GALK1: variants seen among roughly 807,000 people sequenced by gnomAD.
The protein encoded by GALK1 is galactokinase.
In GALK1, 30 loss-of-function variants were observed where a neutral mutation model predicts 38.6. The observed-to-expected ratio is 0.78, with a 90% CI of 0.58 to 1.05. The LOEUF is 1.05. Among genes scored for constraint, GALK1 ranks in the 50% least tolerant of loss-of-function variants. The pLI, the probability that GALK1 is intolerant of heterozygous loss-of-function variation, is 0.00. For synonymous variants in GALK1, 240 were observed against 233.6 expected, an observed-to-expected ratio of 1.03 and a Z score of -0.25; for missense variants, 512 against 540.5, an observed-to-expected ratio of 0.95 and a Z score of 0.52.
chr17:75,764,659 G>C (rs1285473570), intron 1 of GALK1: 1 of 519,128 alleles, frequency 1.9e-6, no homozygotes, highest in Non-Finnish European at 3.5e-6. Flanking sequence ...GTCCCCTTCT[G>C]CGTGGCACAC....
intron 5 of GALK1, among the ~76,000 whole-genome samples, chr17:75,759,075 G>A (rs1470382787): frequency 6.6e-6 from 1 of 152,150 alleles, no homozygotes; most frequent in Non-Finnish European, 1.5e-5. Context: ...AGGTTTAAGG[G>A]GGAAGGTTGT....
At chr17:75,756,502 C>G (rs1047744713), downstream of GALK1, 1 of 1,613,296 alleles carries the variant, frequency 6.2e-7, no homozygotes, top group Non-Finnish European at 8.5e-7. Context: ...TGCCCAACCA[C>G]TCCTACGTGT....
rs1415436124 is a variant in GALK1, at chr17:75,765,119, C to T, written c.18G>A (p.Gln6=). 4 of 1,578,536 alleles carry T rather than the reference C, an allele frequency of 2.5e-6. No homozygotes were observed. The South Asian group carries it at 3.4e-5, about 14-fold the overall frequency. The stretch of plus-strand genomic sequence containing the variant: ...CGGCCAGCAGCTCCGCGACCTGGGG[C>T]TGTCTCAAAGCAGCCATGACGCGCG... MAALR[Q]PQVAELLAEA... Residue 6 remains glutamine (Q), a synonymous_variant, in exon 1 of 8, where the codon CAG becomes CAA. Coordinates refer to ENST00000588479, the MANE Select transcript of GALK1 (RefSeq NM_000154.2).
At position 75,762,689 on chromosome 17, in the gene GALK1, C is replaced by T; in HGVS notation, c.793+15G>A. 1.2e-6 allele frequency: 2 copies of T among 1,613,414 alleles called. No individual in the cohort carries two copies. The highest frequency in any genetic ancestry group is 1.7e-6 in the Non-Finnish European group (2 of 1,179,902). ...CACAGCCGCCTCCAGGATAGAGCAC[C>T]CTGGCAGTTCTCACCCTCTAGCTCT... On this transcript the variant is annotated intron_variant, in intron 5 of 7. Coordinates refer to ENST00000588479, the MANE Select transcript of GALK1 (RefSeq NM_000154.2).
downstream of GALK1, chr17:75,756,796 C>T: frequency 6.2e-7 from 1 of 1,612,614 alleles, no homozygotes; most frequent in Non-Finnish European, 8.5e-7. Flanking sequence ...CTGGGAGCGG[C>T]CACGGAGGCC....
At chr17:75,755,095 G>C, downstream of GALK1, 2 of 1,603,206 alleles carry the variant, frequency 1.2e-6, no homozygotes, top group Non-Finnish European at 1.7e-6. Context: ...GCAGGCTTCC[G>C]CTGTCCTGGG....
At position 75,763,403 on chromosome 17, in the gene GALK1, C is replaced by G. The variant is rs751497736; in HGVS notation, c.392G>C (p.Ser131Thr). The change falls in exon 3 of 8, where the codon AGC (serine) becomes ACC (threonine). Residue 131 changes from serine (S) to threonine (T), a missense_variant. Ser to Thr is a moderately conservative substitution (Grantham distance 58, BLOSUM62 1). Coordinates refer to ENST00000588479, the MANE Select transcript of GALK1 (RefSeq NM_000154.2). ...CAGGCCACCCCCCAGGGGCACTGAG[C>G]TGACCACCACTGCACTGAAGCCAGG... ...PLPGFSAVVV[S>T]SVPLGGGLSS... is the part of the protein sequence containing the mutation. 16 of 1,611,164 alleles carry G rather than the reference C, an allele frequency of 9.9e-6. No individual in the cohort carries two copies. The highest frequency in any genetic ancestry group is 1.4e-5 in the Non-Finnish European group (16 of 1,178,900).
chr17:75,758,417 C>T, intron 6 of GALK1, 32 bp downstream of exon 6: 1 of 1,576,342 alleles, frequency 6.3e-7, no homozygotes, highest in East Asian at 2.3e-5. Flanking sequence ...CGGCCTGTGC[C>T]CGGCAGGAGC....
chr17:75,753,784 G>C, downstream of GALK1: 1 of 1,453,260 alleles, frequency 6.9e-7, no homozygotes, highest in South Asian at 1.4e-5. Context: ...GGAAGTTCGA[G>C]CCCCTGCTGG....
chr17:75,763,866 T>C, intron 2 of GALK1, 31 bp downstream of exon 2: 1 of 1,601,952 alleles, frequency 6.2e-7, no homozygotes, highest in African/African-American at 1.3e-5. Context: ...CTAGTATCAG[T>C]GAGGACTTGG....
Position 75,757,985 on chromosome 17 carries a change from G to A in GALK1, c.*71C>T. ...ATTGAGCACCCGGATATGGAAGATG[G>A]CACCGGGCACAGAGCCGTGGGACTG... is the stretch of plus-strand genomic sequence containing the variant. On this transcript the variant is annotated 3_prime_UTR_variant, in exon 8 of 8. Coordinates refer to ENST00000588479, the MANE Select transcript of GALK1 (RefSeq NM_000154.2). The A allele has an allele frequency of 6.5e-7, 1 of 1,533,828 alleles. No individual in the cohort carries two copies. Among genetic ancestry groups the A allele is most frequent in the Non-Finnish European group, 9.0e-7 (1 of 1,115,430 alleles).
downstream of GALK1, among the ~76,000 whole-genome samples, chr17:75,753,441 G>C (rs1381365775): frequency 6.6e-6 from 1 of 152,212 alleles, no homozygotes; most frequent in Non-Finnish European, 1.5e-5. Flanking sequence ...GTCTCGGAGA[G>C]GTTAAGTAAA....
At chr17:75,752,127 C>G in intron 8 of GALK1, 1 of 1,597,814 alleles carries the variant, frequency 6.3e-7, no homozygotes, top group Non-Finnish European at 8.6e-7. Flanking sequence ...GGTGTTGGGA[C>G]CAGGCTGGGA....
downstream of GALK1, chr17:75,756,689 C>G (rs1599323209): frequency 1.2e-6 from 2 of 1,613,518 alleles, no homozygotes; most frequent in South Asian, 1.1e-5. Context: ...GATGCTCTTC[C>G]TCTACTGCCC....
At chr17:75,753,013 C>G (rs58637300), downstream of GALK1, among the ~76,000 whole-genome samples, 2,157 of 152,326 alleles carry the variant, frequency 0.014, 50 homozygotes, top group African/African-American at 0.048. Context: ...CAAAGTGCTG[C>G]GGAGCCCTTA....
At chr17:75,760,635 C>T (rs1484840192) in intron 5 of GALK1, among the ~76,000 whole-genome samples, 2 of 151,728 alleles carry the variant, frequency 1.3e-5, no homozygotes, top group East Asian at 2.0e-4. Flanking sequence ...AATTAACTCG[C>T]TCTGGTGGCA....
At chr17:75,762,030 A>C (rs2061589605) in intron 5 of GALK1, among the ~76,000 whole-genome samples, 2 of 152,200 alleles carry the variant, frequency 1.3e-5, no homozygotes, top group Admixed American at 1.3e-4. Context: ...CCAAAAAAAA[A>C]ACACGGCAAA....
chr17:75,756,503 T>C (rs751676062), downstream of GALK1: 2 of 1,612,924 alleles, frequency 1.2e-6, no homozygotes. Context: ...GCCCAACCAC[T>C]CCTACGTGTT....
intron 2 of GALK1, 128 bp from the exon 3 acceptor site, chr17:75,763,567 C>G: frequency 9.3e-7 from 1 of 1,075,714 alleles, no homozygotes; most frequent in Non-Finnish European, 1.4e-6. Flanking sequence ...TCTCAATTGT[C>G]AGAAGCCACC....
Sources: gnomAD v4.1 joint callset for allele counts (sites outside exome capture counted in the v4.1 genomes callset) on GRCh38, gnomAD v4.1.1 for gene constraint, MANE v1.5 for transcripts, NCBI Gene and HGNC (gene_info 2026-07-23, HGNC 2026-07-21) for gene names.